Variants in IGF2BP3 observed in about 807,000 individuals in gnomAD.
IGF2BP3 encodes insulin-like growth factor 2 mRNA-binding protein 3.
IGF2BP3 carries 9 observed loss-of-function variants against 73.8 expected under a neutral mutation model. The ratio of observed to expected loss-of-function variants is 0.12; its 90% confidence interval spans 0.07 to 0.21. The LOEUF (loss-of-function observed/expected upper bound fraction) is 0.21, where lower values mean the gene tolerates loss of function less well. Among genes scored for constraint, IGF2BP3 ranks in the 10% least tolerant of loss-of-function variants. IGF2BP3 has a pLI of 1.00. For missense variants in IGF2BP3, 542 were observed against 714.0 expected (o/e 0.76, Z 2.75); for synonymous variants, 258 against 256.7 (o/e 1.01, Z -0.05).
chr7:23,333,990 T>C (rs771706253), intron 10 of IGF2BP3, among the ~76,000 whole-genome samples: 9 of 152,220 alleles, frequency 5.9e-5, no homozygotes, highest in Non-Finnish European at 8.8e-5. Context: ...TGTCAACTTT[T>C]GCCAATCATT....
intron 3 of IGF2BP3, among the ~76,000 whole-genome samples, chr7:23,418,086 T>C (rs1400304897): frequency 6.6e-6 from 1 of 152,208 alleles, no homozygotes; most frequent in African/African-American, 2.4e-5. Flanking sequence ...AAGACTAGTC[T>C]AAAACACACA....
chr7:23,456,105 C>CA (rs957511450), intron 2 of IGF2BP3, among the ~76,000 whole-genome samples: 3 of 151,436 alleles, frequency 2.0e-5, no homozygotes, highest in African/African-American at 4.9e-5. Flanking sequence ...TTCAGAAACT[C>CA]AAAAAAATGC....
At chr7:23,451,551 A>G (rs755579116) in intron 2 of IGF2BP3, among the ~76,000 whole-genome samples, 1 of 151,944 alleles carries the variant, frequency 6.6e-6, no homozygotes, top group Non-Finnish European at 1.5e-5. Context: ...ATGAGATTGC[A>G]CCATTGAATT....
chr7:23,329,971 G>A (rs1318744326), intron 10 of IGF2BP3, among the ~76,000 whole-genome samples: 4 of 152,144 alleles, frequency 2.6e-5, no homozygotes, highest in African/African-American at 9.7e-5. Context: ...AGCTCTCAAT[G>A]GGTATAGATA....
chr7:23,430,359 C>T (rs532318754), intron 2 of IGF2BP3, among the ~76,000 whole-genome samples: 68 of 152,326 alleles, frequency 4.5e-4, no homozygotes, highest in African/African-American at 1.5e-3. Flanking sequence ...CAGGAGCCAC[C>T]GCGCCCAGCT....
At chr7:23,424,437 C>G (rs550274168) in intron 2 of IGF2BP3, among the ~76,000 whole-genome samples, 1 of 152,220 alleles carries the variant, frequency 6.6e-6, no homozygotes, top group South Asian at 2.1e-4. Context: ...GCGGACATTG[C>G]AGTGAGCCGA....
intron 2 of IGF2BP3, among the ~76,000 whole-genome samples, chr7:23,457,639 G>T (rs1788354512): frequency 6.6e-6 from 1 of 152,012 alleles, no homozygotes; most frequent in Admixed American, 6.6e-5. Flanking sequence ...GATTCTTCAG[G>T]ATACATTATT....
At chr7:23,406,233 G>C (rs754095990) in intron 3 of IGF2BP3, among the ~76,000 whole-genome samples, 4 of 152,118 alleles carry the variant, frequency 2.6e-5, no homozygotes, top group Non-Finnish European at 4.4e-5. Flanking sequence ...CCTCTCGTTA[G>C]CCCTGGACAT....
chr7:23,362,626 G>A (rs1785260296), intron 3 of IGF2BP3: 1 of 152,198 alleles, frequency 6.6e-6, no homozygotes. Context: ...AACTGCAGAT[G>A]TACGTCTCAT....
intron 2 of IGF2BP3, among the ~76,000 whole-genome samples, chr7:23,462,042 T>C (rs1788460860): frequency 6.6e-6 from 1 of 152,078 alleles, no homozygotes. Context: ...AACAATAAGG[T>C]ATCATTTGGA....
chr7:23,332,740 T>G (rs1266975192), intron 10 of IGF2BP3, among the ~76,000 whole-genome samples: 1 of 152,260 alleles, frequency 6.6e-6, no homozygotes, highest in Non-Finnish European at 1.5e-5. Flanking sequence ...ATGGCCTTTT[T>G]TATTTTATAA....
intron 3 of IGF2BP3, among the ~76,000 whole-genome samples, chr7:23,390,134 T>C (rs1460702466): frequency 1.3e-5 from 2 of 152,222 alleles, no homozygotes; most frequent in African/African-American, 4.8e-5. Context: ...CAATGTCTTG[T>C]CCATTAGTGG....
chr7:23,366,865 G>A (rs913698064), intron 3 of IGF2BP3, among the ~76,000 whole-genome samples: 5 of 152,058 alleles, frequency 3.3e-5, no homozygotes, highest in Non-Finnish European at 7.4e-5. Context: ...TCAATCTTAA[G>A]GCAGGCCATT....
intron 2 of IGF2BP3, chr7:23,450,545 T>C (rs1231680542): frequency 6.6e-6 from 1 of 152,168 alleles, no homozygotes; most frequent in African/African-American, 2.4e-5. Flanking sequence ...TGGATAAAGA[T>C]CCTTTCCGAG....
intron 2 of IGF2BP3, among the ~76,000 whole-genome samples, chr7:23,424,788 T>C (rs924219807): frequency 6.6e-6 from 1 of 152,224 alleles, no homozygotes; most frequent in African/African-American, 2.4e-5. Flanking sequence ...GCAGCTCATG[T>C]AGACTCTGAA....
intron 2 of IGF2BP3, chr7:23,431,131 T>C (rs563744200): frequency 1.3e-5 from 2 of 152,274 alleles, no homozygotes; most frequent in Non-Finnish European, 1.5e-5. Context: ...ACATGAACAT[T>C]AACAGAAGTA....
At chr7:23,346,633 G>A (rs1260857041) in intron 7 of IGF2BP3, among the ~76,000 whole-genome samples, 3 of 149,950 alleles carry the variant, frequency 2.0e-5, no homozygotes, top group African/African-American at 7.4e-5. Context: ...TCCCTCTGGC[G>A]CCAGGCAGGC....
chr7:23,369,245 G>C (rs961767277), intron 3 of IGF2BP3, among the ~76,000 whole-genome samples: 3 of 152,082 alleles, frequency 2.0e-5, no homozygotes, highest in African/African-American at 7.2e-5. Context: ...TGCCTGGACC[G>C]AGACAGGACC....
chr7:23,345,838 G>C (rs1784815932), intron 8 of IGF2BP3, 102 bp downstream of exon 8: 1 of 1,339,132 alleles, frequency 7.5e-7, no homozygotes, highest in Admixed American at 2.2e-5. Context: ...CGGCAGCACA[G>C]GCTAGCTGAA....
Sources: gnomAD v4.1 joint callset for allele counts (sites outside exome capture counted in the v4.1 genomes callset) on GRCh38, gnomAD v4.1.1 for gene constraint, MANE v1.5 for transcripts, NCBI Gene and HGNC (gene_info 2026-07-23, HGNC 2026-07-21) for gene names.